AGBL1: variants seen among roughly 807,000 people sequenced by gnomAD.
The protein encoded by AGBL1 is cytosolic carboxypeptidase 4.
AGBL1 carries 130 observed loss-of-function variants against 118.9 expected under a neutral mutation model. The observed-to-expected ratio is 1.09, with a 90% CI of 0.95 to 1.26. The LOEUF is 1.26. Ranked by LOEUF, AGBL1 falls within the 50% of genes most tolerant of loss-of-function variation. AGBL1 has a pLI of 0.00. For missense variants in AGBL1, 1,584 were observed against 1,298.1 expected, an observed-to-expected ratio of 1.22 and a Z score of -3.38; for synonymous variants, 555 against 478.9, an observed-to-expected ratio of 1.16 and a Z score of -2.08.
chr15:86,316,078 C>A (rs896285827), intron 17 of AGBL1, among the ~76,000 whole-genome samples: 3 of 152,170 alleles, frequency 2.0e-5, no homozygotes, highest in Non-Finnish European at 4.4e-5. Context: ...TTTGCTTTGG[C>A]AAATGAATTT....
chr15:86,894,716 A>C (rs1339647262), intron 22 of AGBL1, among the ~76,000 whole-genome samples: 1 of 152,228 alleles, frequency 6.6e-6, no homozygotes, highest in Non-Finnish European at 1.5e-5. Context: ...CACCACACAC[A>C]GAATTGCTTC....
intron 22 of AGBL1, among the ~76,000 whole-genome samples, chr15:86,888,549 A>T (rs1267711963): frequency 1.3e-5 from 2 of 152,124 alleles, no homozygotes. Context: ...TAACCAACGA[A>T]GATCTAGGTA....
intron 5 of AGBL1, among the ~76,000 whole-genome samples, chr15:86,181,129 C>T (rs983401505): frequency 2.0e-5 from 3 of 152,018 alleles, no homozygotes. Context: ...TAAACACACA[C>T]CTATCATATT....
At chr15:86,563,747 A>T (rs2083868316) in intron 21 of AGBL1, among the ~76,000 whole-genome samples, 4 of 152,018 alleles carry the variant, frequency 2.6e-5, no homozygotes, top group Admixed American at 2.0e-4. Context: ...AGTCTCCCAT[A>T]ATTATTATGT....
At chr15:86,701,637 C>T (rs1264798597) in intron 22 of AGBL1, among the ~76,000 whole-genome samples, 2 of 151,124 alleles carry the variant, frequency 1.3e-5, no homozygotes, top group African/African-American at 2.4e-5. Flanking sequence ...CTCCTCTCCT[C>T]TCCTCCCCTC....
chr15:86,569,542 T>C (rs1206740285), intron 21 of AGBL1, among the ~76,000 whole-genome samples: 5 of 152,204 alleles, frequency 3.3e-5, no homozygotes. Flanking sequence ...CTGTTGTCTC[T>C]TTTGTTTTGT....
chr15:86,877,154 A>C, intron 22 of AGBL1, among the ~76,000 whole-genome samples: 1 of 152,110 alleles, frequency 6.6e-6, no homozygotes, highest in African/African-American at 2.4e-5. Flanking sequence ...AAAGCCCCAT[A>C]ACCAATCCCT....
chr15:86,507,902 T>C (rs2082998690), intron 18 of AGBL1, among the ~76,000 whole-genome samples: 1 of 152,096 alleles, frequency 6.6e-6, no homozygotes, highest in South Asian at 2.1e-4. Context: ...TATAAGGTAT[T>C]TGACCTGAGC....
chr15:86,936,076 C>A (rs190521679), intron 23 of AGBL1, among the ~76,000 whole-genome samples: 2 of 152,210 alleles, frequency 1.3e-5, no homozygotes, highest in African/African-American at 4.8e-5. Flanking sequence ...GTCTCACAGG[C>A]GGGCTGCTCG....
chr15:86,130,031 G>A (rs1200144818), intron 1 of AGBL1, among the ~76,000 whole-genome samples: 2 of 152,136 alleles, frequency 1.3e-5, no homozygotes, highest in African/African-American at 2.4e-5. Flanking sequence ...AAAATGTCAT[G>A]GTGCCGTCTT....
chr15:86,778,445 A>G (rs886390559), intron 22 of AGBL1, among the ~76,000 whole-genome samples: 3 of 152,158 alleles, frequency 2.0e-5, no homozygotes, highest in Non-Finnish European at 4.4e-5. Context: ...TTTCATCCCT[A>G]CAGCTTCGAC....
chr15:87,008,790 A>G (rs2081529119), intron 24 of AGBL1, among the ~76,000 whole-genome samples: 1 of 152,202 alleles, frequency 6.6e-6, no homozygotes, highest in African/African-American at 2.4e-5. Context: ...GACTCTTGTT[A>G]TGTTTTAGCT....
intron 22 of AGBL1, among the ~76,000 whole-genome samples, chr15:86,857,588 T>C (rs1000559975): frequency 5.3e-5 from 8 of 152,220 alleles, no homozygotes; most frequent in Admixed American, 2.0e-4. Flanking sequence ...GACCTCTTTA[T>C]GGAGGCCTTC....
chr15:86,195,994 T>G (rs2077795394), intron 5 of AGBL1, among the ~76,000 whole-genome samples: 1 of 152,138 alleles, frequency 6.6e-6, no homozygotes, highest in African/African-American at 2.4e-5. Flanking sequence ...TCAAATAAAT[T>G]TGGGGAGCTT....
chr15:86,859,814 A>G (rs901643582), intron 22 of AGBL1, among the ~76,000 whole-genome samples: 1 of 152,176 alleles, frequency 6.6e-6, no homozygotes, highest in Admixed American at 6.5e-5. Flanking sequence ...TCTAGGGACA[A>G]TACATGGCTT....
intron 18 of AGBL1, among the ~76,000 whole-genome samples, chr15:86,453,354 C>T (rs916750644): frequency 6.6e-6 from 1 of 152,162 alleles, no homozygotes; most frequent in Non-Finnish European, 1.5e-5. Context: ...AATATAGATG[C>T]ATGTTCCGGA....
At chr15:86,975,299 C>T (rs534140859) in intron 23 of AGBL1, among the ~76,000 whole-genome samples, 2 of 152,158 alleles carry the variant, frequency 1.3e-5, no homozygotes, top group South Asian at 4.2e-4. Flanking sequence ...AGCAAAATCA[C>T]TTCTTACGTG....
chr15:86,373,195 G>T (rs1179062465), intron 17 of AGBL1, among the ~76,000 whole-genome samples: 1 of 152,144 alleles, frequency 6.6e-6, no homozygotes, highest in African/African-American at 2.4e-5. Flanking sequence ...CTTAGGAAAA[G>T]GTTGGTGATA....
chr15:86,169,637 C>G (rs1302188928), intron 5 of AGBL1, among the ~76,000 whole-genome samples: 1 of 152,208 alleles, frequency 6.6e-6, no homozygotes, highest in Non-Finnish European at 1.5e-5. Context: ...ATAATACCTA[C>G]AAATGTAAAT....
Sources: gnomAD v4.1 joint callset for allele counts (sites outside exome capture counted in the v4.1 genomes callset) on GRCh38, gnomAD v4.1.1 for gene constraint, MANE v1.5 for transcripts, NCBI Gene and HGNC (gene_info 2026-07-23, HGNC 2026-07-21) for gene names.